The following RIC1 variants were observed in gnomAD, a reference collection of about 807,000 sequenced individuals.
RIC1 encodes the protein RIC1 partner of RAB6A GEF complex, also known as guanine nucleotide exchange factor subunit RIC1.
A neutral mutation model predicts 169.0 loss-of-function variants in RIC1; 88 were observed. That is an observed-to-expected ratio of 0.52 (90% CI 0.44 to 0.62). RIC1 has a LOEUF of 0.62. RIC1 is among the 20% of genes least tolerant of loss of function. The probability of loss-of-function intolerance (pLI) is 0.00; values close to 1 mark genes in which losing one functional copy is unlikely to be tolerated. For missense variants in RIC1, 1,877 were observed against 1,725.5 expected (o/e 1.09, Z -1.56); for synonymous variants, 790 against 601.5 (o/e 1.31, Z -4.59).
chr9:5,681,579 G>C (rs1183338282), intron 2 of RIC1, among the ~76,000 whole-genome samples: 1 of 152,124 alleles, frequency 6.6e-6, no homozygotes, highest in Non-Finnish European at 1.5e-5. Context: ...GGTCAATTTT[G>C]GAATAGGTGT....
intron 6 of RIC1, among the ~76,000 whole-genome samples, chr9:5,723,218 A>G (rs536249453): frequency 1.3e-5 from 2 of 152,170 alleles, no homozygotes; most frequent in South Asian, 2.1e-4. Context: ...TCCAGGACCT[A>G]TTGTTTCCTA....
At position 5,774,561 on chromosome 9, in the gene RIC1, G is replaced by C. The variant is rs897548188; in HGVS notation, c.*315G>C. 2.5e-5 allele frequency: 5 copies of C among 202,012 alleles called. No homozygotes were observed. Among genetic ancestry groups the C allele is most frequent in the Middle Eastern group, 1.7e-3 (1 of 574 alleles). The allele number at this position is 202,012 out of a possible 1,614,324, so 12.5% of individuals were successfully genotyped here. A position where few individuals can be genotyped will look rare whatever the true frequency, so the allele number is the denominator to read the frequency against. Reference sequence around the variant, plus strand: ...ACAGGAATTGTTTTGCCCCAGGTGAGCTTACTTTTTCACTACTTACATCTT... The same window carrying C: ...ACAGGAATTGTTTTGCCCCAGGTGACCTTACTTTTTCACTACTTACATCTT... On this transcript the variant is annotated 3_prime_UTR_variant, in exon 26 of 26. Transcript: ENST00000414202.
intron 3 of RIC1, among the ~76,000 whole-genome samples, chr9:5,700,668 A>T (rs1347091744): frequency 1.3e-5 from 2 of 151,964 alleles, no homozygotes; most frequent in Non-Finnish European, 2.9e-5. Flanking sequence ...GTACCATTTC[A>T]TGAGCAGGTA....
At chr9:5,638,409 C>T (rs1429788253) in intron 1 of RIC1, among the ~76,000 whole-genome samples, 1 of 152,120 alleles carries the variant, frequency 6.6e-6, no homozygotes, top group Non-Finnish European at 1.5e-5. Flanking sequence ...AGAACAGTTT[C>T]AGTAGTATTG....
At chr9:5,747,741 T>C (rs1258481572) in intron 12 of RIC1, among the ~76,000 whole-genome samples, 4 of 152,218 alleles carry the variant, frequency 2.6e-5, no homozygotes, top group African/African-American at 9.6e-5. Flanking sequence ...TGTCAAGAAC[T>C]AGAAGTTTAT....
intron 2 of RIC1, among the ~76,000 whole-genome samples, chr9:5,664,506 C>T (rs186612184): frequency 1.5e-4 from 23 of 152,256 alleles, no homozygotes; most frequent in Middle Eastern, 6.8e-3. Context: ...GCCTCCCCTT[C>T]GTAGGTGACC....
chr9:5,740,175 A>G (rs1281717006), intron 8 of RIC1, among the ~76,000 whole-genome samples: 3 of 152,204 alleles, frequency 2.0e-5, no homozygotes, highest in Admixed American at 6.5e-5. Flanking sequence ...GGTGTTATGT[A>G]TAGAGTCACT....
chr9:5,751,793 A>G (rs1032041285), intron 12 of RIC1, among the ~76,000 whole-genome samples: 2 of 152,230 alleles, frequency 1.3e-5, no homozygotes. Context: ...AGTTTTATCA[A>G]ATTTTATCAA....
At chr9:5,677,854 TTTA>T (rs766435646) in intron 2 of RIC1, among the ~76,000 whole-genome samples, 15 of 152,092 alleles carry the variant, frequency 9.9e-5, no homozygotes, top group Admixed American at 7.2e-4. Context: ...TTTTTTAAAT[TTTA>T]TTATTATTAT....
chr9:5,671,080 G>A (rs560275950), intron 2 of RIC1, among the ~76,000 whole-genome samples: 5 of 152,160 alleles, frequency 3.3e-5, no homozygotes, highest in East Asian at 1.9e-4. Flanking sequence ...AATTGGGGAA[G>A]TTGCAAATCT....
chr9:5,726,082 A>T (rs1823961158), intron 6 of RIC1, among the ~76,000 whole-genome samples: 1 of 152,174 alleles, frequency 6.6e-6, no homozygotes, highest in African/African-American at 2.4e-5. Flanking sequence ...CTTGGTGCAG[A>T]GCTGAGTTCA....
At chr9:5,645,308 G>A (rs371871220) in intron 1 of RIC1, among the ~76,000 whole-genome samples, 37 of 152,114 alleles carry the variant, frequency 2.4e-4, no homozygotes, top group African/African-American at 8.9e-4. Flanking sequence ...GAAAGTGTTG[G>A]AATTACAAGT....
At chr9:5,717,987 A>G (rs1823360225) in intron 4 of RIC1, among the ~76,000 whole-genome samples, 1 of 151,604 alleles carries the variant, frequency 6.6e-6, no homozygotes, top group African/African-American at 2.4e-5. Context: ...TAAAAATACA[A>G]AAATTAGCTG....
At chr9:5,689,832 A>G (rs1403893846) in intron 2 of RIC1, 127 bp from the exon 3 acceptor site, 15 of 604,290 alleles carry the variant, frequency 2.5e-5, no homozygotes, top group South Asian at 1.1e-4. Flanking sequence ...TAATTAGGCT[A>G]TAATTCTCCA....
chr9:5,681,484 T>G (rs1244538991), intron 2 of RIC1, among the ~76,000 whole-genome samples: 2 of 152,222 alleles, frequency 1.3e-5, no homozygotes, highest in African/African-American at 4.8e-5. Context: ...GAGTTCTAGT[T>G]TGATTGCACT....
intron 11 of RIC1, 122 bp downstream of exon 11, chr9:5,746,205 C>G (rs887195022): frequency 1.7e-6 from 1 of 576,848 alleles, no homozygotes; most frequent in Admixed American, 3.3e-5. Flanking sequence ...TTCTATGATT[C>G]TTGTGTTTCT....
intron 4 of RIC1, among the ~76,000 whole-genome samples, chr9:5,718,072 A>G (rs4338161): frequency 0.56 from 82,623 of 146,312 alleles, 24,053 homozygotes; most frequent in East Asian, 0.88. Context: ...CCTGGGAGGC[A>G]GAGGTTGCAG....
chr9:5,667,405 CCTTT>C (rs1322349345), intron 2 of RIC1, among the ~76,000 whole-genome samples: 2 of 151,902 alleles, frequency 1.3e-5, no homozygotes, highest in African/African-American at 4.8e-5. Flanking sequence ...TTTATTATTT[CCTTT>C]CTTCTGCTAG....
intron 3 of RIC1, among the ~76,000 whole-genome samples, chr9:5,703,023 C>T (rs1357993164): frequency 1.3e-5 from 2 of 151,970 alleles, no homozygotes; most frequent in African/African-American, 4.8e-5. Context: ...CATGTAATTC[C>T]ACCCTTGTCC....
Sources: allele counts gnomAD v4.1 joint callset (sites outside exome capture counted in the v4.1 genomes callset), GRCh38; gene constraint gnomAD v4.1.1; transcripts MANE v1.5; gene names NCBI Gene and HGNC (gene_info 2026-07-23, HGNC 2026-07-21).